Variants in NFX1 observed in about 807,000 individuals in gnomAD.
The protein encoded by NFX1 is transcriptional repressor NF-X1.
NFX1 carries 69 observed loss-of-function variants against 137.2 expected under a neutral mutation model. The observed-to-expected ratio is 0.50, with a 90% CI of 0.41 to 0.61. NFX1 has a LOEUF of 0.61. NFX1 is among the 20% of genes least tolerant of loss of function. The pLI, the probability that NFX1 is intolerant of heterozygous loss-of-function variation, is 0.00. For synonymous variants in NFX1, 495 were observed against 474.1 expected (o/e 1.04, Z -0.57); for missense variants, 1,167 against 1,391.0 (o/e 0.84, Z 2.56).
chr9:33,351,591 A>C lies in NFX1; in HGVS notation c.2456A>C (p.Asp819Ala), dbSNP rs755131177. 1.9e-6 allele frequency: 3 copies of C among 1,614,120 alleles called. No homozygotes were observed. Among genetic ancestry groups the C allele is most frequent in the African/African-American group, 2.7e-5 (2 of 74,946 alleles). The stretch of plus-strand genomic sequence containing the variant: ...AGCAACATCCCCTGTCACCTGGTTG[A>C]TATCTCTTGCGGATTACCCTGCAGT... ...FRSNIPCHLV[D>A]ISCGLPCSAT... Residue 819 changes from aspartate (D) to alanine (A), a missense_variant, in exon 16 of 24, where the codon GAT becomes GCT. By Grantham distance (126) the Asp-to-Ala change is moderately radical. This residue lies in a region of NFX1 where 488 missense variants were observed against 691.5 expected (regional missense o/e 0.71). Coordinates refer to ENST00000379540, the MANE Select transcript of NFX1 (RefSeq NM_002504.6).
Position 33,307,182 on chromosome 9 carries a change from G to T in NFX1, c.1271-12G>T, listed in dbSNP as rs1821783502. On this transcript the variant is annotated splice_polypyrimidine_tract_variant and intron_variant, in intron 4 of 23. Coordinates refer to ENST00000379540, the MANE Select transcript of NFX1 (RefSeq NM_002504.6). ...GTTTGTACCATTGACTCTCTGATCT[G>T]ATATGTTCTAGGCAAGGTAAAGAAT... The T allele has an allele frequency of 1.2e-6, 2 of 1,609,878 alleles. No homozygotes were observed. Among genetic ancestry groups the T allele is most frequent in the Non-Finnish European group, 1.7e-6 (2 of 1,176,498 alleles).
rs949418279 is a variant in NFX1, at chr9:33,299,610, C to A, written c.1034-1653C>A. Among the ~76,000 whole-genome samples the A allele has an allele frequency of 3.3e-5, 5 of 152,214 alleles. No individual in the cohort carries two copies. The South Asian group carries it at 1.0e-3, about 32-fold the overall frequency. ...TGCTGAGGTGGGAGGATCGCTTGGG[C>A]CCAGGAGTTTGAAGATGCAGTGAGC... On this transcript the variant is annotated intron_variant, in intron 2 of 23. Coordinates refer to ENST00000379540, the MANE Select transcript of NFX1 (RefSeq NM_002504.6).
At chr9:33,312,135 T>A (rs1162039320) in intron 6 of NFX1, among the ~76,000 whole-genome samples, 1 of 152,208 alleles carries the variant, frequency 6.6e-6, no homozygotes, top group African/African-American at 2.4e-5. Context: ...CAGGATGAGA[T>A]GAATCATGCA....
At chr9:33,338,906 G>A (rs1257372205) in intron 12 of NFX1, among the ~76,000 whole-genome samples, 2 of 152,188 alleles carry the variant, frequency 1.3e-5, no homozygotes, top group Non-Finnish European at 2.9e-5. Flanking sequence ...AGAAGATTGT[G>A]TGTTGTCCCA....
Position 33,370,162 on chromosome 9 carries a change from G to GT in NFX1, c.*187dup. The GT allele has an allele frequency of 1.9e-6, 1 of 532,608 alleles. No homozygotes were observed. The highest frequency in any genetic ancestry group is 3.3e-6 in the Non-Finnish European group (1 of 304,560). 33.0% of individuals were successfully genotyped at this position (532,608 alleles called of 1,614,324 possible). On this transcript the variant is annotated 3_prime_UTR_variant, in exon 24 of 24. Transcript: ENST00000379540. Reference sequence around the variant, plus strand: ...TTGTCTATTCCTGTCTGTATAAAGTGTTTCATTATGACCAGATCTCTGATT... The same window carrying GT: ...TTGTCTATTCCTGTCTGTATAAAGTGTTTTCATTATGACCAGATCTCTGATT...
intron 12 of NFX1, among the ~76,000 whole-genome samples, chr9:33,342,190 T>C (rs952090867): frequency 4.7e-5 from 3 of 64,162 alleles, no homozygotes; most frequent in Non-Finnish European, 1.0e-4. Flanking sequence ...AATTTCAAAC[T>C]GGCTCATGCC....
intron 21 of NFX1, chr9:33,365,883 G>C (rs1222213574): frequency 6.6e-6 from 1 of 152,268 alleles, no homozygotes; most frequent in Non-Finnish European, 1.5e-5. Context: ...TCCTTCAGAA[G>C]AGGGAGACCC....
chr9:33,357,787 C>T (rs914436838), intron 19 of NFX1, among the ~76,000 whole-genome samples: 1 of 151,772 alleles, frequency 6.6e-6, no homozygotes, highest in African/African-American at 2.4e-5. Context: ...TCAAGCGAAC[C>T]TCCTGCCTTG....
In NFX1 at chr9:33,303,181, T is replaced by C. The variant is rs536120483; in HGVS notation, c.1193-10T>C. The C allele has an allele frequency of 6.8e-5, 110 of 1,613,726 alleles. 1 individual carries two copies. In the South Asian group the frequency reaches 1.2e-3, roughly 17 times the overall value. ...AAATTTATTTGGCCTACTCCCATTT[T>C]TCCTGACAGATGGCCAGAGTGGTTG... On this transcript the variant is annotated splice_polypyrimidine_tract_variant and intron_variant, in intron 3 of 23. Coordinates refer to ENST00000379540, the MANE Select transcript of NFX1 (RefSeq NM_002504.6).
chr9:33,364,820 G>C (rs1307436408), intron 21 of NFX1, 46 bp downstream of exon 21: 1 of 1,590,852 alleles, frequency 6.3e-7, no homozygotes, highest in Admixed American at 1.8e-5. Flanking sequence ...AGGCCAGCTT[G>C]ATGAAAAAAA....
chr9:33,342,602 C>T, intron 12 of NFX1, 144 bp from the exon 13 acceptor site: 1 of 634,264 alleles, frequency 1.6e-6, no homozygotes, highest in Non-Finnish European at 2.7e-6. Flanking sequence ...ACCTACTCTC[C>T]CTTCTGTGGC....
intron 11 of NFX1, 191 bp downstream of exon 11, chr9:33,332,693 G>C: frequency 1.9e-6 from 1 of 520,452 alleles, no homozygotes; most frequent in Non-Finnish European, 3.5e-6. Context: ...AAAAATATAA[G>C]CTAAGTGCAC....
chr9:33,322,767 C>T (rs1822434589), intron 9 of NFX1, among the ~76,000 whole-genome samples: 1 of 152,142 alleles, frequency 6.6e-6, no homozygotes, highest in African/African-American at 2.4e-5. Flanking sequence ...CTCCGAGGTA[C>T]TCTCCAAAGG....
intron 1 of NFX1, among the ~76,000 whole-genome samples, 197 bp from the exon 2 acceptor site, chr9:33,294,223 T>G (rs1210335482): frequency 1.3e-5 from 2 of 152,250 alleles, no homozygotes; most frequent in East Asian, 3.8e-4. Flanking sequence ...GTTTGGTTTT[T>G]GGACATGGAA....
intron 21 of NFX1, 39 bp from the exon 22 acceptor site, chr9:33,366,590 A>C (rs958792311): frequency 6.2e-7 from 1 of 1,608,840 alleles, no homozygotes; most frequent in Non-Finnish European, 8.5e-7. Flanking sequence ...TTGTTTTCAG[A>C]ATGATATGAT....
At chr9:33,318,156 T>G (rs1822244826) in intron 7 of NFX1, among the ~76,000 whole-genome samples, 1 of 152,178 alleles carries the variant, frequency 6.6e-6, no homozygotes, top group Non-Finnish European at 1.5e-5. Flanking sequence ...TTTATTCTGA[T>G]CATTAGATCT....
At chr9:33,307,426 T>A (rs1821791965) in intron 5 of NFX1, 127 bp downstream of exon 5, 2 of 739,820 alleles carry the variant, frequency 2.7e-6, no homozygotes, top group South Asian at 3.4e-5. Flanking sequence ...CAGTAAATGG[T>A]CTCAAATCAC....
At chr9:33,300,354 T>C (rs1014456867) in intron 2 of NFX1, among the ~76,000 whole-genome samples, 1 of 152,140 alleles carries the variant, frequency 6.6e-6, no homozygotes. Context: ...TAAGCCACCG[T>C]GTCCAACCTG....
Position 33,344,113 on chromosome 9 carries a change from C to T in NFX1, c.2269C>T (p.Pro757Ser). Residue 757 changes from proline (P) to serine (S), a missense_variant, in exon 14 of 24, where the codon CCT becomes TCT. By Grantham distance (74) the Pro-to-Ser change is moderately conservative. This residue lies in a region of NFX1 where 488 missense variants were observed against 691.5 expected (regional missense o/e 0.71). Coordinates refer to ENST00000379540, the MANE Select transcript of NFX1 (RefSeq NM_002504.6). ...CCATTGTGGTGCATCAGTGATTTAC[C>T]CTCCAGTTCCCTGTGGTACTAGGCC... ...TCHCGASVIY[P>S]PVPCGTRPPE... is the part of the protein sequence containing the mutation. 1 of 1,614,014 alleles carries T rather than the reference C, an allele frequency of 6.2e-7. No homozygotes were observed. Among genetic ancestry groups the T allele is most frequent in the Non-Finnish European group, 8.5e-7 (1 of 1,179,966 alleles).
Sources: allele counts gnomAD v4.1 joint callset (sites outside exome capture counted in the v4.1 genomes callset), GRCh38; gene constraint gnomAD v4.1.1; regional missense constraint gnomAD v4.1.1; transcripts MANE v1.5; gene names NCBI Gene and HGNC (gene_info 2026-07-23, HGNC 2026-07-21).